Variants in DDX59 observed in about 807,000 individuals in gnomAD.
DDX59 encodes DEAD-box helicase 59.
Under a neutral mutation model 51.9 loss-of-function variants are expected in DDX59, and 30 were observed. The observed-to-expected ratio is 0.58, with a 90% confidence interval of 0.43 to 0.78. The LOEUF (loss-of-function observed/expected upper bound fraction) is 0.78. DDX59 is among the 30% of genes least tolerant of loss of function. The probability of loss-of-function intolerance (pLI) is 0.00; values close to 1 mark genes in which losing one functional copy is unlikely to be tolerated. For synonymous variants in DDX59, 255 were observed against 253.3 expected, an observed-to-expected ratio of 1.01 and a Z score of -0.06; for missense variants, 672 against 730.8, an observed-to-expected ratio of 0.92 and a Z score of 0.93.
intron 1 of DDX59, among the ~76,000 whole-genome samples, chr1:200,668,307 CAAAA>C (rs68140421): frequency 7.6e-6 from 1 of 130,846 alleles, no homozygotes. Context: ...GACTCCGTCT[CAAAA>C]AAAAAAAAAA....
At chr1:200,646,187 A>G (rs1001534133) in intron 7 of DDX59, among the ~76,000 whole-genome samples, 10 of 152,128 alleles carry the variant, frequency 6.6e-5, no homozygotes, top group African/African-American at 2.4e-4. Context: ...CAGAAAAATT[A>G]GCCAGGTGTG....
At position 200,666,750 on chromosome 1, in the gene DDX59, T is replaced by C. The variant is rs752542873; in HGVS notation, c.-10A>G. 1.1e-4 allele frequency: 175 copies of C among 1,600,672 alleles called. No homozygotes were observed. The East Asian group carries it at 3.8e-3, about 35-fold the overall frequency. Reference sequence around the variant, plus strand: ...ATCTTGGAACAAACATCCTTCAATATTCTGTTAAGGAAATTATATAATGAG... The same window carrying C: ...ATCTTGGAACAAACATCCTTCAATACTCTGTTAAGGAAATTATATAATGAG... On this transcript the variant is annotated splice_region_variant and 5_prime_UTR_variant, in exon 2 of 8. Transcript: ENST00000331314.
At chr1:200,641,456 T>C (rs1661046712), downstream of DDX59, among the ~76,000 whole-genome samples, 1 of 141,608 alleles carries the variant, frequency 7.1e-6, no homozygotes, top group Non-Finnish European at 1.5e-5. Context: ...TTAAAAAACG[T>C]GCTTGGGCCT....
intron 7 of DDX59, among the ~76,000 whole-genome samples, chr1:200,646,956 C>T (rs922466196): frequency 6.6e-6 from 1 of 150,990 alleles, no homozygotes; most frequent in Admixed American, 6.6e-5. Context: ...TATGGATGAA[C>T]CTTAAAAACA....
rs767955264 is a variant in DDX59, at chr1:200,648,426, T to C, written c.1596+13A>G. The stretch of plus-strand genomic sequence containing the variant: ...TCGTGAACAAAATAGTGGTAACATA[T>C]AAAGCTCCTTACCTGATGGACATAC... On this transcript the variant is annotated intron_variant, in intron 7 of 7. Coordinates refer to ENST00000331314, the MANE Select transcript of DDX59 (RefSeq NM_001031725.6). 5.0e-6 allele frequency: 8 copies of C among 1,612,668 alleles called. No individual in the cohort carries two copies. The highest frequency in any genetic ancestry group is 5.9e-6 in the Non-Finnish European group (7 of 1,179,554).
At chr1:200,654,705 TAG>T in intron 4 of DDX59, 2 of 152,636 alleles carry the variant, frequency 1.3e-5, no homozygotes, top group Middle Eastern at 2.9e-3. Flanking sequence ...GAAGAGCAGG[TAG>T]AAAGGATGGG....
At chr1:200,659,662 C>G (rs1662255654) in intron 3 of DDX59, among the ~76,000 whole-genome samples, 1 of 152,124 alleles carries the variant, frequency 6.6e-6, no homozygotes, top group Non-Finnish European at 1.5e-5. Context: ...GCTTAAGGCT[C>G]TTAATAATTT....
intron 2 of DDX59, among the ~76,000 whole-genome samples, chr1:200,665,483 C>CAAAAAAA (rs369902325): frequency 1.1e-5 from 1 of 88,148 alleles, no homozygotes; most frequent in African/African-American, 4.5e-5. Context: ...AACTCGGTCC[C>CAAAAAAA]AAAAAAAGAA....
At chr1:200,656,052 A>G (rs537073713) in intron 4 of DDX59, among the ~76,000 whole-genome samples, 2 of 152,104 alleles carry the variant, frequency 1.3e-5, no homozygotes, top group Non-Finnish European at 1.5e-5. Context: ...CTGGTCTTGC[A>G]CTCCTGACCT....
rs1296803734 is a variant in DDX59 at position 200,666,741 on chromosome 1, C to T, written c.-1G>A. The T allele has an allele frequency of 8.1e-6, 13 of 1,607,242 alleles. No individual in the cohort carries two copies. The Admixed American group carries it at 1.5e-4, about 19-fold the overall frequency. ...TTTTTAGAGATCTTGGAACAAACAT[C>T]CTTCAATATTCTGTTAAGGAAATTA... is the stretch of plus-strand genomic sequence containing the variant. On this transcript the variant is annotated 5_prime_UTR_variant, in exon 2 of 8. Transcript: ENST00000331314.
rs1174635984 is a variant in DDX59 at position 200,664,685 on chromosome 1, T to C, written c.805-599A>G. On this transcript the variant is annotated intron_variant, in intron 2 of 7. Transcript: ENST00000331314. The stretch of plus-strand genomic sequence containing the variant: ...TCTTTCCTCTCTTTGCCCACTTTTT[T>C]TTTTTTGAAAACGGAATTTCACTCT... Among the ~76,000 whole-genome samples, 5 of 152,188 alleles carry C rather than the reference T, an allele frequency of 3.3e-5. 1 individual carries two copies. The South Asian group carries it at 8.3e-4, about 25-fold the overall frequency.
Position 200,666,189 on chromosome 1 carries a change from A to C in DDX59, c.552T>G (p.Asn184Lys), listed in dbSNP as rs1236030251. ...ILNLQEDQIE[N>K]LKQQLGILVQ... ...CTAAAATTCCCAGCTGCTGTTTAAG[A>C]TTTTCAATCTGGTCTTCCTGAAGGT... Residue 184 changes from asparagine to lysine, a missense_variant, in exon 2 of 8, where the codon AAT becomes AAG. Asn to Lys is a moderately conservative substitution (Grantham distance 94). Transcript: ENST00000331314. 6.2e-7 allele frequency: 1 copy of C among 1,614,102 alleles called. No individual in the cohort carries two copies. The highest frequency in any genetic ancestry group is 1.1e-5 in the South Asian group (1 of 91,082).
At chr1:200,643,273 TGA>T (rs1390058297), downstream of DDX59, among the ~76,000 whole-genome samples, 2 of 151,510 alleles carry the variant, frequency 1.3e-5, no homozygotes, top group Admixed American at 1.3e-4. Flanking sequence ...GGTGACAGGG[TGA>T]GATGCTATCT....
intron 1 of DDX59, 68 bp from the exon 2 acceptor site, chr1:200,666,819 G>A: frequency 6.7e-7 from 1 of 1,491,946 alleles, no homozygotes; most frequent in Non-Finnish European, 9.0e-7. Context: ...AGTACCATAT[G>A]ATTAAGGACA....
At chr1:200,667,348 C>T (rs984833120) in intron 1 of DDX59, among the ~76,000 whole-genome samples, 2 of 152,148 alleles carry the variant, frequency 1.3e-5, no homozygotes, top group Admixed American at 1.3e-4. Context: ...TTGCGGTGAG[C>T]CTAAGACCTC....
rs749031560 is a variant in DDX59 at position 200,666,579 on chromosome 1, CCTGT to C, written c.158_161del (p.Asp53GlyfsTer22). On this transcript the variant is annotated frameshift_variant, in exon 2 of 8. Transcript: ENST00000331314. LOFTEE classifies it high-confidence loss of function. ...GGAAAGGGCATGATTCGCTGATGTGCCTGTCTATTGTGGCTGCTTCTGTAGCTAC... is the reference window on the plus strand; with the variant it reads ...GGAAAGGGCATGATTCGCTGATGTGCCTATTGTGGCTGCTTCTGTAGCTAC... 1.2e-6 allele frequency: 2 copies of C among 1,614,158 alleles called. No homozygotes were observed. Among genetic ancestry groups the C allele is most frequent in the Non-Finnish European group, 1.7e-6 (2 of 1,180,034 alleles).
At chr1:200,658,977 C>A in intron 4 of DDX59, 50 bp downstream of exon 4, 2 of 1,433,472 alleles carry the variant, frequency 1.4e-6, no homozygotes, top group Non-Finnish European at 9.7e-7. Context: ...ACTATACTTT[C>A]CATAAATTGT....
intron 4 of DDX59, among the ~76,000 whole-genome samples, chr1:200,656,752 G>T (rs1331567441): frequency 6.6e-6 from 1 of 152,182 alleles, no homozygotes; most frequent in African/African-American, 2.4e-5. Context: ...TGAAAATGCT[G>T]TAAAGAGAAG....
At chr1:200,653,058 A>G (rs1473231572) in intron 4 of DDX59, among the ~76,000 whole-genome samples, 1 of 151,996 alleles carries the variant, frequency 6.6e-6, no homozygotes, top group Non-Finnish European at 1.5e-5. Flanking sequence ...ATCTCTATAC[A>G]TTGGGGAGCC....
Sources: gnomAD v4.1 joint callset for allele counts (sites outside exome capture counted in the v4.1 genomes callset) on GRCh38, gnomAD v4.1.1 for gene constraint, MANE v1.5 for transcripts, NCBI Gene and HGNC (gene_info 2026-07-23, HGNC 2026-07-21) for gene names.